The following KPNA4 variants were observed in gnomAD, a reference collection of about 807,000 sequenced individuals.
The protein encoded by KPNA4 is importin subunit alpha-3.
KPNA4 carries 13 observed loss-of-function variants against 71.3 expected under a neutral mutation model. That is an observed-to-expected ratio of 0.18 (90% CI 0.12 to 0.29). The LOEUF (loss-of-function observed/expected upper bound fraction) is 0.29. KPNA4 is among the 10% of genes least tolerant of loss of function. The probability of loss-of-function intolerance (pLI) is 1.00; values close to 1 mark genes in which losing one functional copy is unlikely to be tolerated. For missense variants in KPNA4, 334 were observed against 603.2 expected (o/e 0.55, Z 4.67); for synonymous variants, 189 against 195.2 (o/e 0.97, Z 0.26).
chr3:160,541,524 T>C (rs974723241), intron 1 of KPNA4, among the ~76,000 whole-genome samples: 1 of 152,100 alleles, frequency 6.6e-6, no homozygotes, highest in African/African-American at 2.4e-5. Context: ...TAGGATATAT[T>C]CTAAAACTGA....
intron 13 of KPNA4, among the ~76,000 whole-genome samples, chr3:160,513,230 T>C (rs1036591555): frequency 6.6e-6 from 1 of 151,616 alleles, no homozygotes; most frequent in African/African-American, 2.4e-5. Context: ...CATGCTGTGA[T>C]TGTTTCTTCT....
Position 160,518,597 on chromosome 3 carries a change from C to T in KPNA4, c.904-3017G>A, listed in dbSNP as rs970032890. On this transcript the variant is annotated intron_variant, in intron 11 of 16. Coordinates refer to ENST00000334256, the MANE Select transcript of KPNA4 (RefSeq NM_002268.5). ...CAACTTGGCCGGGCGCGGTGGCTCA[C>T]GCCTGCAATCCCAGCACTTTGGGAG... Among the ~76,000 whole-genome samples, 8 of 151,556 alleles carry T rather than the reference C, an allele frequency of 5.3e-5. No individual in the cohort carries two copies. In the East Asian group the frequency reaches 1.2e-3, roughly 22 times the overall value.
chr3:160,558,595 C>T (rs1722187211), intron 1 of KPNA4, among the ~76,000 whole-genome samples: 1 of 152,048 alleles, frequency 6.6e-6, no homozygotes, highest in Non-Finnish European at 1.5e-5. Flanking sequence ...CTTTAAGAGC[C>T]TGTATTAATT....
rs1211745346 is a variant in KPNA4 at position 160,496,833 on chromosome 3, C to T, written c.*5271G>A. The T allele has an allele frequency of 6.6e-6, 1 of 152,174 alleles. No homozygotes were observed. The highest frequency in any genetic ancestry group is 1.5e-5 in the Non-Finnish European group (1 of 68,026). 9.4% of individuals were successfully genotyped at this position (152,174 alleles called of 1,614,324 possible). A position where few individuals can be genotyped will look rare whatever the true frequency, so the allele number is the denominator to read the frequency against. On this transcript the variant is annotated 3_prime_UTR_variant, in exon 17 of 17. Coordinates refer to ENST00000334256, the MANE Select transcript of KPNA4 (RefSeq NM_002268.5). The stretch of plus-strand genomic sequence containing the variant: ...TTACTTTTCCTCACAGTCAACTGCT[C>T]TTACACCCAGAGCAGTAGCTGTCAA...
chr3:160,546,380 TGGA>T (rs1400494386), intron 1 of KPNA4, among the ~76,000 whole-genome samples: 1 of 151,988 alleles, frequency 6.6e-6, no homozygotes, highest in Non-Finnish European at 1.5e-5. Flanking sequence ...TAGCTAGGTG[TGGA>T]GGTGTATGCC....
intron 7 of KPNA4, among the ~76,000 whole-genome samples, chr3:160,530,365 G>A (rs1721549846): frequency 6.6e-6 from 1 of 152,076 alleles, no homozygotes; most frequent in African/African-American, 2.4e-5. Context: ...TGTAGTCCCA[G>A]CTACTTGGTG....
Position 160,520,463 on chromosome 3 carries a change from A to G in KPNA4, c.903+1316T>C, listed in dbSNP as rs566560449. ...ATTTTAGTAAAGACAGGGTTTCACC[A>G]TGTTGGCCAGGATGGTCTCAGTCTC... On this transcript the variant is annotated intron_variant, in intron 11 of 16. Coordinates refer to ENST00000334256, the MANE Select transcript of KPNA4 (RefSeq NM_002268.5). 1.2e-4 allele frequency among the ~76,000 whole-genome samples: 18 copies of G among 148,550 alleles called. No individual in the cohort carries two copies. In the South Asian group the frequency reaches 2.6e-3, roughly 21 times the overall value.
intron 11 of KPNA4, 134 bp downstream of exon 11, chr3:160,521,645 T>G (rs1374919433): frequency 2.5e-6 from 2 of 806,620 alleles, no homozygotes; most frequent in East Asian, 2.5e-5. Context: ...ATTATTTATT[T>G]TCCCCTTTCC....
chr3:160,524,627 A>C (rs1487969216), intron 10 of KPNA4, among the ~76,000 whole-genome samples: 1 of 152,206 alleles, frequency 6.6e-6, no homozygotes, highest in East Asian at 1.9e-4. Flanking sequence ...AATAGGCATA[A>C]GCCACCACAC....
chr3:160,550,068 G>T (rs1236384974), intron 1 of KPNA4, among the ~76,000 whole-genome samples: 1 of 151,964 alleles, frequency 6.6e-6, no homozygotes, highest in Non-Finnish European at 1.5e-5. Flanking sequence ...TTTGTATGTT[G>T]ACTTTGTATC....
chr3:160,560,937 G>A (rs1722231165), intron 1 of KPNA4, among the ~76,000 whole-genome samples: 1 of 152,012 alleles, frequency 6.6e-6, no homozygotes, highest in Non-Finnish European at 1.5e-5. Context: ...GTCTCTAAAA[G>A]TTAACAAGAC....
chr3:160,508,252 T>C lies in KPNA4; in HGVS notation c.1227A>G (p.Gln409=). Residue 409 remains glutamine, a synonymous_variant, in exon 15 of 17, where the codon CAA becomes CAG. Coordinates refer to ENST00000334256, the MANE Select transcript of KPNA4 (RefSeq NM_002268.5). ...TGCAAAAAGGTGGGATAACATTTTG[T>C]TGGATAAGGTAAGCCACCTGAAGAA... The part of the protein sequence containing the change: ...GRKDQVAYLI[Q]QNVIPPFCNL... 6.2e-7 allele frequency: 1 copy of C among 1,607,932 alleles called. No individual in the cohort carries two copies. The highest frequency in any genetic ancestry group is 8.5e-7 in the Non-Finnish European group (1 of 1,177,502).
At chr3:160,564,258 A>G (rs1021785524) in intron 1 of KPNA4, 1 of 152,150 alleles carries the variant, frequency 6.6e-6, no homozygotes, top group Non-Finnish European at 1.5e-5. Context: ...TCTCGGGAGC[A>G]GCTGTATCTA....
intron 14 of KPNA4, 124 bp from the exon 15 acceptor site, chr3:160,508,393 T>TTAAG: frequency 1.7e-6 from 1 of 587,916 alleles, no homozygotes. Context: ...CTCTCTCATG[T>TTAAG]TAAGTGTGCC....
intron 1 of KPNA4, among the ~76,000 whole-genome samples, chr3:160,562,406 C>A (rs1198825933): frequency 6.6e-6 from 1 of 152,102 alleles, no homozygotes; most frequent in Non-Finnish European, 1.5e-5. Flanking sequence ...AATCAAAAAG[C>A]AATTATTTTC....
chr3:160,562,572 T>C (rs1389912868), intron 1 of KPNA4, among the ~76,000 whole-genome samples: 1 of 152,200 alleles, frequency 6.6e-6, no homozygotes, highest in East Asian at 1.9e-4. Flanking sequence ...ATACACAAAG[T>C]AGACCACTGT....
chr3:160,565,409 TTCC>T lies in KPNA4; in HGVS notation c.-130_-128del. On this transcript the variant is annotated 5_prime_UTR_variant, in exon 1 of 17. Transcript: ENST00000334256. Reference sequence around the variant, plus strand: ...CTGTGCCCGCCGCGCCGCCGCTTCCTTCCTCCTCTCACCTGCCTCCGCCGCGGC... The same window carrying T: ...CTGTGCCCGCCGCGCCGCCGCTTCCTTCCTCTCACCTGCCTCCGCCGCGGC... The T allele has an allele frequency of 1.4e-6, 1 of 735,504 alleles. No individual in the cohort carries two copies. The allele number at this position is 735,504 out of a possible 1,614,324, so 45.6% of individuals were successfully genotyped here.
intron 14 of KPNA4, among the ~76,000 whole-genome samples, chr3:160,509,057 T>C (rs931531404): frequency 6.6e-6 from 1 of 152,262 alleles, no homozygotes; most frequent in Non-Finnish European, 1.5e-5. Flanking sequence ...TATCAATTTA[T>C]TGCTATTCAG....
intron 1 of KPNA4, chr3:160,564,311 G>A (rs1025006086): frequency 6.6e-6 from 1 of 152,038 alleles, no homozygotes; most frequent in Non-Finnish European, 1.5e-5. Flanking sequence ...AATCAAACGT[G>A]ATGGTGCCAT....
Sources: allele counts gnomAD v4.1 joint callset (sites outside exome capture counted in the v4.1 genomes callset), GRCh38; gene constraint gnomAD v4.1.1; transcripts MANE v1.5; gene names NCBI Gene and HGNC (gene_info 2026-07-23, HGNC 2026-07-21).